Variants in IL1RL1 observed in about 807,000 individuals in gnomAD.
The protein encoded by IL1RL1 is interleukin-1 receptor-like 1.
A neutral mutation model predicts 50.9 loss-of-function variants in IL1RL1; 32 were observed. The ratio of observed to expected loss-of-function variants is 0.63; its 90% CI spans 0.47 to 0.84. The LOEUF (loss-of-function observed/expected upper bound fraction) is 0.84, where lower values mean the gene tolerates loss of function less well. Ranked by LOEUF, IL1RL1 falls within the 40% of genes least tolerant of loss-of-function variation. The pLI, the probability that IL1RL1 is intolerant of heterozygous loss-of-function variation, is 0.00. For missense variants in IL1RL1, 773 were observed against 662.9 expected (o/e 1.17, Z -1.82); for synonymous variants, 275 against 236.0 (o/e 1.17, Z -1.51).
chr2:102,317,560 C>T (rs1189852957), intron 1 of IL1RL1, among the ~76,000 whole-genome samples: 1 of 151,914 alleles, frequency 6.6e-6, no homozygotes, highest in Non-Finnish European at 1.5e-5. Flanking sequence ...TGAGTAAGTA[C>T]AATTTGTGAT....
At chr2:102,312,003 TTATATATATTATATATA>T (rs1676520600) in intron 1 of IL1RL1, among the ~76,000 whole-genome samples, 1 of 10,914 alleles carries the variant, frequency 9.2e-5, no homozygotes, top group African/African-American at 6.9e-4. Context: ...TATAATATAT[TTATATATATTATATATA>T]ATATATATTA....
intron 1 of IL1RL1, among the ~76,000 whole-genome samples, chr2:102,323,956 C>T (rs1292924125): frequency 2.0e-5 from 3 of 151,480 alleles, no homozygotes; most frequent in Non-Finnish European, 4.4e-5. Context: ...ATATAATATG[C>T]ATTCTTTTAA....
intron 1 of IL1RL1, among the ~76,000 whole-genome samples, chr2:102,326,338 A>G (rs1051270991): frequency 6.6e-6 from 1 of 152,208 alleles, no homozygotes; most frequent in African/African-American, 2.4e-5. Flanking sequence ...GCCCTACAAG[A>G]GCTCCTGAAG....
chr2:102,342,162 A>G, intron 5 of IL1RL1, 61 bp from the exon 6 acceptor site: 1 of 1,173,168 alleles, frequency 8.5e-7, no homozygotes, highest in Non-Finnish European at 1.3e-6. Context: ...TGAAAATACA[A>G]GCTTTATATT....
At position 102,338,343 on chromosome 2, in the gene IL1RL1, A is replaced by C. The variant is rs779492792; in HGVS notation, c.61+18A>C. The C allele has an allele frequency of 7.1e-7, 1 of 1,408,184 alleles. No homozygotes were observed. Among genetic ancestry groups the C allele is most frequent in the South Asian group, 1.3e-5 (1 of 76,388 alleles). 87.2% of individuals were successfully genotyped at this position (1,408,184 alleles called of 1,614,324 possible). A position where few individuals can be genotyped will look rare whatever the true frequency, so the allele number is the denominator to read the frequency against. On this transcript the variant is annotated intron_variant, in intron 2 of 10. Coordinates refer to ENST00000233954, the MANE Select transcript of IL1RL1 (RefSeq NM_016232.5). Reference sequence around the variant, plus strand: ...AAAGTTTAGTAAGTATTGCCTTCTAAGTATAATTTAAATTTTTATAAATTA... The same window carrying C: ...AAAGTTTAGTAAGTATTGCCTTCTACGTATAATTTAAATTTTTATAAATTA...
chr2:102,317,557 G>A (rs1676713729), intron 1 of IL1RL1, among the ~76,000 whole-genome samples: 1 of 151,876 alleles, frequency 6.6e-6, no homozygotes, highest in Admixed American at 6.6e-5. Flanking sequence ...TGATGAGTAA[G>A]TACAATTTGT....
chr2:102,319,180 T>A lies in IL1RL1; in HGVS notation c.-150+7557T>A, dbSNP rs1293462912. Among the ~76,000 whole-genome samples, 3 of 152,202 alleles carry A rather than the reference T, an allele frequency of 2.0e-5. No homozygotes were observed. The East Asian group carries it at 5.8e-4, about 29-fold the overall frequency. On this transcript the variant is annotated intron_variant, in intron 1 of 10. Transcript: ENST00000233954. ...TTTGGCTGTACATTTCTTACACTTT[T>A]TTTTTTAACTGAGGAGTCAATTAAA...
intron 1 of IL1RL1, among the ~76,000 whole-genome samples, chr2:102,312,071 T>G (rs1676531716): frequency 1.1e-5 from 1 of 88,410 alleles, no homozygotes; most frequent in South Asian, 2.7e-4. Context: ...AACATTATTG[T>G]TATAATGTTA....
chr2:102,331,755 C>T (rs1677184805), intron 1 of IL1RL1, among the ~76,000 whole-genome samples: 1 of 152,196 alleles, frequency 6.6e-6, no homozygotes, highest in Non-Finnish European at 1.5e-5. Context: ...CCTTGGTCAT[C>T]TGTACTGGTT....
At chr2:102,342,430 A>G (rs2104990883) in intron 6 of IL1RL1, 136 bp downstream of exon 6, 1 of 624,316 alleles carries the variant, frequency 1.6e-6, no homozygotes, top group South Asian at 1.9e-5. Flanking sequence ...GACATCCCTG[A>G]AAGCACCTGC....
chr2:102,325,500 G>T (rs1168700058), intron 1 of IL1RL1, among the ~76,000 whole-genome samples: 1 of 152,174 alleles, frequency 6.6e-6, no homozygotes, highest in Non-Finnish European at 1.5e-5. Context: ...AAGCTGGATG[G>T]AGAATGACTT....
At chr2:102,341,293 A>G in intron 5 of IL1RL1, 3 of 1,253,492 alleles carry the variant, frequency 2.4e-6, no homozygotes, top group Non-Finnish European at 3.1e-6. Flanking sequence ...TATGGTGTAC[A>G]TAAATGTTGT....
At chr2:102,336,042 A>T (rs977162855) in intron 1 of IL1RL1, among the ~76,000 whole-genome samples, 12 of 152,312 alleles carry the variant, frequency 7.9e-5, no homozygotes, top group African/African-American at 2.9e-4. Flanking sequence ...TGAAAGGCTG[A>T]CTAAACCCCT....
At chr2:102,319,987 C>A (rs1362004289) in intron 1 of IL1RL1, among the ~76,000 whole-genome samples, 1 of 152,192 alleles carries the variant, frequency 6.6e-6, no homozygotes, top group East Asian at 1.9e-4. Flanking sequence ...TCACTCCCAG[C>A]CCTTTCTTTT....
intron 10 of IL1RL1, among the ~76,000 whole-genome samples, chr2:102,351,144 T>TA (rs1677917676): frequency 6.6e-6 from 1 of 152,186 alleles, no homozygotes; most frequent in Non-Finnish European, 1.5e-5. Flanking sequence ...ATATGTGAGT[T>TA]AAAATTTTAA....
chr2:102,323,273 AGTG>A (rs1391693549), intron 1 of IL1RL1, among the ~76,000 whole-genome samples: 207 of 48,462 alleles, frequency 4.3e-3, no homozygotes, highest in African/African-American at 0.013. Context: ...ATATATATAT[AGTG>A]TGTGTGTGTG....
chr2:102,321,571 G>A (rs1045939571), intron 1 of IL1RL1, among the ~76,000 whole-genome samples: 5 of 152,044 alleles, frequency 3.3e-5, no homozygotes, highest in African/African-American at 9.7e-5. Context: ...CACTGCCCCC[G>A]ACCCTCCTGA....
intron 9 of IL1RL1, 127 bp from the exon 10 acceptor site, chr2:102,348,952 T>C: frequency 1.5e-6 from 1 of 676,622 alleles, no homozygotes; most frequent in Non-Finnish European, 2.6e-6. Flanking sequence ...CTCTTGAGTC[T>C]AGAATATTTT....
At chr2:102,351,395 TA>T in intron 10 of IL1RL1, 140 bp from the exon 11 acceptor site, 1 of 727,484 alleles carries the variant, frequency 1.4e-6, no homozygotes, top group Non-Finnish European at 2.2e-6. Flanking sequence ...TATCCACACA[TA>T]CTTCCACTTC....
Sources: gnomAD v4.1 joint callset for allele counts (sites outside exome capture counted in the v4.1 genomes callset) on GRCh38, gnomAD v4.1.1 for gene constraint, MANE v1.5 for transcripts, NCBI Gene and HGNC (gene_info 2026-07-23, HGNC 2026-07-21) for gene names.